Variants in ADAM2 observed in about 807,000 individuals in gnomAD.
ADAM2 encodes ADAM metallopeptidase domain 2.
A neutral mutation model predicts 99.3 loss-of-function variants in ADAM2; 101 were observed. That is an observed-to-expected ratio of 1.02 (90% confidence interval 0.87 to 1.20). The LOEUF is 1.20. Ranked by LOEUF, ADAM2 falls within the 50% of genes most tolerant of loss-of-function variation. ADAM2 has a pLI of 0.00. For missense variants in ADAM2, 948 were observed against 878.7 expected, an observed-to-expected ratio of 1.08 and a Z score of -1.00; for synonymous variants, 323 against 287.6, an observed-to-expected ratio of 1.12 and a Z score of -1.25.
At chr8:39,776,925 C>T in intron 11 of ADAM2, 100 bp downstream of exon 11, 1 of 749,934 alleles carries the variant, frequency 1.3e-6, no homozygotes, top group Non-Finnish European at 2.2e-6. Context: ...TCAGTCACAG[C>T]TGATCGCCAT....
At chr8:39,801,207 C>T (rs1056433381) in intron 7 of ADAM2, among the ~76,000 whole-genome samples, 1 of 151,970 alleles carries the variant, frequency 6.6e-6, no homozygotes, top group Non-Finnish European at 1.5e-5. Flanking sequence ...TTTGTGGGGG[C>T]CTTTTGTTGT....
At chr8:39,779,554 T>C (rs72642842) in intron 10 of ADAM2, among the ~76,000 whole-genome samples, 1 of 152,188 alleles carries the variant, frequency 6.6e-6, no homozygotes, top group Non-Finnish European at 1.5e-5. Context: ...CTTGTTATTA[T>C]TATCTCTGAT....
chr8:39,827,324 G>C (rs115705092), intron 3 of ADAM2, among the ~76,000 whole-genome samples: 68 of 152,150 alleles, frequency 4.5e-4, no homozygotes, highest in African/African-American at 1.6e-3. Context: ...AAATAATAAG[G>C]AGGTTTCTCA....
chr8:39,801,947 G>C (rs1020377597), intron 7 of ADAM2, among the ~76,000 whole-genome samples: 7 of 152,068 alleles, frequency 4.6e-5, no homozygotes, highest in Admixed American at 2.0e-4. Flanking sequence ...GCAGTTGCTA[G>C]TCCCAGAGCT....
chr8:39,788,288 C>T (rs770246792), intron 8 of ADAM2, 37 bp from the exon 9 acceptor site: 1 of 1,344,102 alleles, frequency 7.4e-7, no homozygotes, highest in Non-Finnish European at 9.9e-7. Flanking sequence ...GCTCAAAAGT[C>T]ACAGTTTTTA....
chr8:39,776,561 G>A (rs1802994989), intron 11 of ADAM2, among the ~76,000 whole-genome samples: 1 of 152,052 alleles, frequency 6.6e-6, no homozygotes, highest in Admixed American at 6.6e-5. Context: ...AAATTCACTA[G>A]ATCGTTGAGG....
intron 11 of ADAM2, 79 bp from the exon 12 acceptor site, chr8:39,769,654 G>T: frequency 1.0e-6 from 1 of 962,234 alleles, no homozygotes; most frequent in Non-Finnish European, 1.6e-6. Context: ...CTATACAACA[G>T]CATTCCACAA....
At chr8:39,823,531 T>TA in intron 4 of ADAM2, among the ~76,000 whole-genome samples, 1 of 148,278 alleles carries the variant, frequency 6.7e-6, no homozygotes, top group African/African-American at 2.5e-5. Context: ...TCTTGCTTGT[T>TA]TTTTTTTTTT....
chr8:39,746,028 T>TAA (rs34478502), intron 19 of ADAM2, among the ~76,000 whole-genome samples: 1 of 151,362 alleles, frequency 6.6e-6, no homozygotes, highest in Non-Finnish European at 1.5e-5. Flanking sequence ...TATATATATA[T>TAA]AATTTTTTCT....
rs1376727 is a variant in ADAM2, at chr8:39,803,160, T to C, written c.570+6250A>G. Among the ~76,000 whole-genome samples the C allele has an allele frequency of 7.3e-3, 1,114 of 152,294 alleles. 43 individuals carry two copies. Among genetic ancestry groups the C allele is most frequent in the Admixed American group, 0.066 (1,003 of 15,282 alleles). ...TGAGACTAAATAAAAAACTGCAGCA[T>C]CATGATGACTGAGAGTGGCACTAAT... On this transcript the variant is annotated intron_variant, in intron 7 of 20. Coordinates refer to ENST00000265708, the MANE Select transcript of ADAM2 (RefSeq NM_001464.5).
rs573817326 is a variant in ADAM2 at position 39,810,320 on chromosome 8, C to T, written c.514-854G>A. On this transcript the variant is annotated intron_variant, in intron 6 of 20. Coordinates refer to ENST00000265708, the MANE Select transcript of ADAM2 (RefSeq NM_001464.5). ...GAGACTACAAAGAGACTTAGACTCC[C>T]ACACAATAATAATGGGCGACTTTAA... Among the ~76,000 whole-genome samples, 13 of 152,242 alleles carry T rather than the reference C, an allele frequency of 8.5e-5. No individual in the cohort carries two copies. The East Asian group carries it at 2.5e-3, about 29-fold the overall frequency.
chr8:39,754,868 T>C (rs1459177815), intron 16 of ADAM2, among the ~76,000 whole-genome samples: 3 of 152,184 alleles, frequency 2.0e-5, no homozygotes, highest in Non-Finnish European at 4.4e-5. Context: ...ACTGTTGATA[T>C]GTATGCATAG....
Position 39,746,647 on chromosome 8 carries a change from A to T in ADAM2, c.2015-16T>A. Reference sequence around the variant, plus strand: ...TAGCGCCTTTCTAGAAGAAAAAAAAATCAAAGATTTGAAAGCAAGCACCAG... The same window carrying T: ...TAGCGCCTTTCTAGAAGAAAAAAAATTCAAAGATTTGAAAGCAAGCACCAG... On this transcript the variant is annotated splice_polypyrimidine_tract_variant and intron_variant, in intron 18 of 20. Coordinates refer to ENST00000265708, the MANE Select transcript of ADAM2 (RefSeq NM_001464.5). 6.4e-7 allele frequency: 1 copy of T among 1,551,916 alleles called. No homozygotes were observed. Among genetic ancestry groups the T allele is most frequent in the African/African-American group, 1.4e-5 (1 of 70,916 alleles).
intron 10 of ADAM2, among the ~76,000 whole-genome samples, chr8:39,782,374 CT>C (rs1803269035): frequency 6.6e-6 from 1 of 152,162 alleles, no homozygotes; most frequent in Admixed American, 6.5e-5. Context: ...TTGCAAAATT[CT>C]TTTTGTTAAC....
intron 19 of ADAM2, 43 bp downstream of exon 19, chr8:39,746,429 T>C (rs914284409): frequency 7.5e-7 from 1 of 1,332,570 alleles, no homozygotes; most frequent in Non-Finnish European, 1.0e-6. Context: ...ACTATGTTCA[T>C]AAATTATACA....
intron 16 of ADAM2, 106 bp from the exon 17 acceptor site, chr8:39,749,850 G>A (rs923521832): frequency 2.6e-6 from 2 of 764,652 alleles, no homozygotes; most frequent in Non-Finnish European, 2.1e-6. Flanking sequence ...AATAAAAAGG[G>A]TATTGATTTA....
chr8:39,788,567 C>A, intron 8 of ADAM2, 102 bp downstream of exon 8: 1 of 765,386 alleles, frequency 1.3e-6, no homozygotes, highest in Non-Finnish European at 2.0e-6. Context: ...CTTAATTTCC[C>A]TTATGCCACA....
At chr8:39,830,379 C>A (rs1805566829) in intron 3 of ADAM2, among the ~76,000 whole-genome samples, 1 of 152,096 alleles carries the variant, frequency 6.6e-6, no homozygotes, top group Non-Finnish European at 1.5e-5. Flanking sequence ...TGCAAAATAA[C>A]CACACCCATC....
intron 1 of ADAM2, 88 bp downstream of exon 1, chr8:39,838,043 C>T: frequency 2.0e-5 from 28 of 1,434,552 alleles, no homozygotes; most frequent in Non-Finnish European, 2.5e-5. Context: ...AGGAAAGCAT[C>T]CTCCCAGGGA....
Sources: gnomAD v4.1 joint callset for allele counts (sites outside exome capture counted in the v4.1 genomes callset) on GRCh38, gnomAD v4.1.1 for gene constraint, MANE v1.5 for transcripts, NCBI Gene and HGNC (gene_info 2026-07-23, HGNC 2026-07-21) for gene names.